Variants in NBEAL1 observed in about 807,000 individuals in gnomAD.
NBEAL1 encodes the protein neurobeachin like 1.
Under a neutral mutation model 351.3 loss-of-function variants are expected in NBEAL1, and 273 were observed. The ratio of observed to expected loss-of-function variants is 0.78; its 90% CI spans 0.70 to 0.86. The LOEUF (loss-of-function observed/expected upper bound fraction) is 0.86, where lower values mean the gene tolerates loss of function less well. Among genes scored for constraint, NBEAL1 ranks in the 40% least tolerant of loss-of-function variants. NBEAL1 has a pLI of 0.00. For missense variants in NBEAL1, 2,961 were observed against 3,201.3 expected, an observed-to-expected ratio of 0.92 and a Z score of 1.81; for synonymous variants, 1,050 against 1,086.4, an observed-to-expected ratio of 0.97 and a Z score of 0.66.
At position 203,133,556 on chromosome 2, in the gene NBEAL1, A is replaced by G. The variant is rs77029474; in HGVS notation, c.3813+410A>G. Among the ~76,000 whole-genome samples, 313 of 151,982 alleles carry G rather than the reference A, an allele frequency of 2.1e-3. 6 individuals carry two copies. The East Asian group carries it at 0.05, about 24-fold the overall frequency. ...ATGATTTGTCTTTAGTACACAGTTAACCTTTAACTAAGTCAAGAGATAGTT... is the reference window on the plus strand; with the variant it reads ...ATGATTTGTCTTTAGTACACAGTTAGCCTTTAACTAAGTCAAGAGATAGTT... On this transcript the variant is annotated intron_variant, in intron 27 of 55. Coordinates refer to ENST00000683969, the MANE Select transcript of NBEAL1 (RefSeq NM_001378026.1).
chr2:203,217,549 T>G lies in NBEAL1; in HGVS notation c.*195T>G, dbSNP rs1166732717. The G allele has an allele frequency of 8.4e-7, 1 of 1,187,666 alleles. No individual in the cohort carries two copies. The highest frequency in any genetic ancestry group is 1.0e-6 in the Non-Finnish European group (1 of 958,292). 73.6% of individuals were successfully genotyped at this position (1,187,666 alleles called of 1,614,324 possible). A position where few individuals can be genotyped will look rare whatever the true frequency, so the allele number is the denominator to read the frequency against. On this transcript the variant is annotated 3_prime_UTR_variant, in exon 56 of 56. Coordinates refer to ENST00000683969, the MANE Select transcript of NBEAL1 (RefSeq NM_001378026.1). ...ATGTATTTGAGAAAATACATTTGATTTGATTTTGTGGCCCATTCCTAAAGG... is the reference window on the plus strand; with the variant it reads ...ATGTATTTGAGAAAATACATTTGATGTGATTTTGTGGCCCATTCCTAAAGG...
intron 42 of NBEAL1, among the ~76,000 whole-genome samples, chr2:203,176,204 C>T (rs2064496020): frequency 7.5e-6 from 1 of 132,454 alleles, no homozygotes; most frequent in African/African-American, 2.8e-5. Context: ...GACAGAGTCT[C>T]ACTCCTTCAC....
intron 18 of NBEAL1, among the ~76,000 whole-genome samples, 165 bp downstream of exon 18, chr2:203,116,235 A>C (rs975207529): frequency 6.6e-6 from 1 of 152,228 alleles, no homozygotes; most frequent in African/African-American, 2.4e-5. Flanking sequence ...AGTAAAAATT[A>C]AGGTATACCT....
chr2:203,047,214 G>A (rs1446431619), intron 3 of NBEAL1, among the ~76,000 whole-genome samples: 1 of 151,458 alleles, frequency 6.6e-6, no homozygotes, highest in East Asian at 1.9e-4. Flanking sequence ...CTCCAGCCTG[G>A]GCAACAAGAG....
chr2:203,070,261 T>C (rs2061658697), intron 7 of NBEAL1, among the ~76,000 whole-genome samples: 1 of 152,076 alleles, frequency 6.6e-6, no homozygotes, highest in Non-Finnish European at 1.5e-5. Flanking sequence ...AATACATAGA[T>C]TGATTTTCAA....
At chr2:203,042,368 C>G (rs2061155970) in intron 3 of NBEAL1, among the ~76,000 whole-genome samples, 1 of 152,212 alleles carries the variant, frequency 6.6e-6, no homozygotes, top group South Asian at 2.1e-4. Context: ...GGTCTGGAGG[C>G]AGAGCTTCCA....
chr2:203,090,196 TA>T (rs1316988379), intron 10 of NBEAL1, among the ~76,000 whole-genome samples: 5 of 152,068 alleles, frequency 3.3e-5, no homozygotes, highest in African/African-American at 4.8e-5. Context: ...AGGATGTCTT[TA>T]AAAAAAACTT....
At chr2:203,070,540 T>A (rs1282918549) in intron 7 of NBEAL1, among the ~76,000 whole-genome samples, 1 of 152,058 alleles carries the variant, frequency 6.6e-6, no homozygotes, top group Non-Finnish European at 1.5e-5. Context: ...GTTAGTTCGT[T>A]CCCACACTGC....
chr2:203,199,762 G>T (rs1048830616), intron 49 of NBEAL1, among the ~76,000 whole-genome samples: 11 of 151,868 alleles, frequency 7.2e-5, no homozygotes, highest in African/African-American at 2.4e-4. Context: ...ATTATAGGCC[G>T]CCTGGCCCTG....
At chr2:203,093,102 C>G (rs948722844) in intron 10 of NBEAL1, among the ~76,000 whole-genome samples, 23 of 151,712 alleles carry the variant, frequency 1.5e-4, no homozygotes, top group African/African-American at 5.1e-4. Context: ...CGTGGTGGTA[C>G]ATGCCTGTAG....
chr2:203,043,898 A>T (rs2061185266), intron 3 of NBEAL1, among the ~76,000 whole-genome samples: 1 of 152,152 alleles, frequency 6.6e-6, no homozygotes, highest in Non-Finnish European at 1.5e-5. Flanking sequence ...TAGAGAATCA[A>T]ATAGGGGCCA....
chr2:203,126,808 G>T lies in NBEAL1; in HGVS notation c.3146-16G>T. On this transcript the variant is annotated splice_polypyrimidine_tract_variant and intron_variant, in intron 22 of 55. Coordinates refer to ENST00000683969, the MANE Select transcript of NBEAL1 (RefSeq NM_001378026.1). ...TATTTTAGCTGAATTACTTACCATT[G>T]AACTTTTTATTTTAGGTCACATACA... The T allele has an allele frequency of 1.3e-6, 2 of 1,544,182 alleles. No homozygotes were observed. The highest frequency in any genetic ancestry group is 4.9e-5 in the East Asian group (2 of 40,856).
At chr2:203,159,403 CTAAT>C (rs1489163590) in intron 36 of NBEAL1, among the ~76,000 whole-genome samples, 2 of 152,098 alleles carry the variant, frequency 1.3e-5, no homozygotes, top group African/African-American at 4.8e-5. Flanking sequence ...CTGGCAACCA[CTAAT>C]TACTTTGTCT....
chr2:203,138,389 T>C, intron 30 of NBEAL1, 74 bp downstream of exon 30: 8 of 1,377,330 alleles, frequency 5.8e-6, no homozygotes, highest in Non-Finnish European at 8.0e-6. Flanking sequence ...TTGCACCCCC[T>C]CTTTTTAGAG....
chr2:203,199,416 T>TCAAGGA lies in NBEAL1; in HGVS notation c.7207_7208insCAAGGA (p.Phe2403delinsSerArgIle). 2.5e-6 allele frequency: 4 copies of TCAAGGA among 1,604,190 alleles called. No homozygotes were observed. Among genetic ancestry groups the TCAAGGA allele is most frequent in the Non-Finnish European group, 3.4e-6 (4 of 1,171,840 alleles). ...CAGAAACATTTCTAATTACTTTACA[T>TCAAGGA]TCATCAAGGATCAAACTGTGACAAA... On this transcript the variant is annotated protein_altering_variant, in exon 49 of 56. Transcript: ENST00000683969.
chr2:203,210,031 A>G (rs547228818), intron 53 of NBEAL1, among the ~76,000 whole-genome samples: 26 of 152,128 alleles, frequency 1.7e-4, no homozygotes, highest in Non-Finnish European at 3.5e-4. Context: ...GATTACAGAC[A>G]TGAGCCACCA....
chr2:203,174,216 CAAAAAAAAAAAAAAAA>C (rs10652390), intron 41 of NBEAL1, among the ~76,000 whole-genome samples: 1 of 24,592 alleles, frequency 4.1e-5, no homozygotes, highest in Non-Finnish European at 8.6e-5. Context: ...TTTATACTAG[CAAAAAAAAAAAAAAAA>C]AAAAAAAAAA....
At chr2:203,183,527 A>G (rs541166946) in intron 44 of NBEAL1, 139 bp downstream of exon 44, 24 of 527,362 alleles carry the variant, frequency 4.6e-5, no homozygotes, top group Middle Eastern at 4.9e-4. Context: ...AAAGTACAAT[A>G]TAGCAATTTA....
rs2061802310 is a variant in NBEAL1, at chr2:203,077,733, A to G, written c.599-19A>G. 1.7e-6 allele frequency: 2 copies of G among 1,196,022 alleles called. No individual in the cohort carries two copies. Among genetic ancestry groups the G allele is most frequent in the Admixed American group, 3.1e-5 (1 of 32,052 alleles). 74.1% of individuals were successfully genotyped at this position (1,196,022 alleles called of 1,614,324 possible). A position where few individuals can be genotyped will look rare whatever the true frequency, so the allele number is the denominator to read the frequency against. ...AAAGACAAATCTTATTTATTTATTT[A>G]TTTATTTATTATTTACAGAATGTTT... On this transcript the variant is annotated intron_variant, in intron 7 of 55. Coordinates refer to ENST00000683969, the MANE Select transcript of NBEAL1 (RefSeq NM_001378026.1).
Sources: gnomAD v4.1 joint callset for allele counts (sites outside exome capture counted in the v4.1 genomes callset) on GRCh38, gnomAD v4.1.1 for gene constraint, MANE v1.5 for transcripts, NCBI Gene and HGNC (gene_info 2026-07-23, HGNC 2026-07-21) for gene names.